CAGE1: variants seen among roughly 807,000 people sequenced by gnomAD.
CAGE1 encodes the protein cancer-associated gene 1 protein.
Under a neutral mutation model 94.9 loss-of-function variants are expected in CAGE1, and 66 were observed. The observed-to-expected ratio is 0.70, with a 90% CI of 0.57 to 0.85. CAGE1 has a LOEUF of 0.85. Among genes scored for constraint, CAGE1 ranks in the 40% least tolerant of loss-of-function variants. The pLI is 0.00. For missense variants in CAGE1, 865 were observed against 950.4 expected (o/e 0.91, Z 1.18); for synonymous variants, 319 against 321.0 (o/e 0.99, Z 0.07).
At chr6:7,326,988 A>AT in intron 13 of CAGE1, 89 bp from the exon 14 acceptor site, 1 of 921,144 alleles carries the variant, frequency 1.1e-6, no homozygotes, top group East Asian at 2.4e-5. Flanking sequence ...TTTTTATTAC[A>AT]TATGGAAAAG....
intron 9 of CAGE1, among the ~76,000 whole-genome samples, chr6:7,361,031 A>G (rs967833571): frequency 6.6e-6 from 1 of 152,214 alleles, no homozygotes; most frequent in African/African-American, 2.4e-5. Flanking sequence ...CAACAGGCAG[A>G]TATGAAGATA....
rs1379580961 is a variant in CAGE1 at position 7,329,225 on chromosome 6, G to A, written c.2478+624C>T. 13 of 402,536 alleles carry A rather than the reference G, an allele frequency of 3.2e-5. 1 individual carries two copies. Among genetic ancestry groups the A allele is most frequent in the South Asian group, 2.9e-4 (3 of 10,314 alleles). 24.9% of individuals were successfully genotyped at this position (402,536 alleles called of 1,614,324 possible). A position where few individuals can be genotyped will look rare whatever the true frequency, so the allele number is the denominator to read the frequency against. Reference sequence around the variant, plus strand: ...TGGGATTACAGGCGTCAGCCACCGCGCCCAGCCTGTATCCTATAAATATGT... The same window carrying A: ...TGGGATTACAGGCGTCAGCCACCGCACCCAGCCTGTATCCTATAAATATGT... On this transcript the variant is annotated intron_variant, in intron 13 of 13. Transcript: ENST00000502583.
rs1646075534 is a variant in CAGE1, at chr6:7,373,177, T to A, written c.1642A>T (p.Lys548Ter). The change falls in exon 5 of 14, where the codon AAA becomes TAA. Residue 548 changes from lysine to a stop codon, truncating the protein, a stop_gained. Coordinates refer to ENST00000502583, the MANE Select transcript of CAGE1 (RefSeq NM_001170692.2). LOFTEE classifies it high-confidence loss of function. ...TCTTCACTCCTTGCAACCTGCTGTT[T>A]AAGTTTTGCATTCTCATTTTTTACT... Reference protein sequence around the residue: ...NEVKNENAKLKQQVARSEEQN... With the variant: ...NEVKNENAKL The A allele has an allele frequency of 6.2e-7, 1 of 1,613,764 alleles. No individual in the cohort carries two copies. Among genetic ancestry groups the A allele is most frequent in the Non-Finnish European group, 8.5e-7 (1 of 1,179,862 alleles).
intron 11 of CAGE1, among the ~76,000 whole-genome samples, chr6:7,349,629 G>C (rs1289063393): frequency 6.6e-6 from 1 of 152,110 alleles, no homozygotes; most frequent in East Asian, 1.9e-4. Flanking sequence ...ATACAGAACT[G>C]CAGAATGGAT....
intron 12 of CAGE1, chr6:7,331,279 T>C (rs772847466): frequency 9.4e-5 from 77 of 815,588 alleles, no homozygotes; most frequent in Non-Finnish European, 1.3e-4. Context: ...TGTCAAGCAG[T>C]GGTTTATCAC....
At chr6:7,360,489 T>C (rs1052339292) in intron 9 of CAGE1, among the ~76,000 whole-genome samples, 1 of 152,190 alleles carries the variant, frequency 6.6e-6, no homozygotes, top group Non-Finnish European at 1.5e-5. Flanking sequence ...AGTGTCAACT[T>C]AGAGGGAAAG....
intron 4 of CAGE1, 86 bp from the exon 5 acceptor site, chr6:7,374,217 T>G: frequency 9.4e-7 from 1 of 1,063,350 alleles, no homozygotes; most frequent in Non-Finnish European, 1.4e-6. Flanking sequence ...TTGAATTCTA[T>G]TAGTAGATCC....
intron 5 of CAGE1, among the ~76,000 whole-genome samples, chr6:7,371,305 T>A (rs1253758447): frequency 2.6e-5 from 4 of 152,204 alleles, no homozygotes; most frequent in Admixed American, 6.5e-5. Flanking sequence ...CTGGCTTAGA[T>A]AATCCTTTTT....
rs1274871439 is a variant in CAGE1 at position 7,389,565 on chromosome 6, C to T, written c.-387G>A. The T allele has an allele frequency of 6.0e-6, 2 of 331,020 alleles. No homozygotes were observed. The highest frequency in any genetic ancestry group is 1.2e-5 in the Non-Finnish European group (2 of 165,254). The allele number at this position is 331,020 out of a possible 1,614,324, so 20.5% of individuals were successfully genotyped here. On this transcript the variant is annotated 5_prime_UTR_variant, in exon 1 of 14. Coordinates refer to ENST00000502583, the MANE Select transcript of CAGE1 (RefSeq NM_001170692.2). Reference sequence around the variant, plus strand: ...GTTAGGAAGGTACGACCCCCTAGGCCGAACAGCCTGTGGGCTAGCTGGCGC... The same window carrying T: ...GTTAGGAAGGTACGACCCCCTAGGCTGAACAGCCTGTGGGCTAGCTGGCGC...
At chr6:7,361,402 G>C (rs974064702) in intron 9 of CAGE1, among the ~76,000 whole-genome samples, 1 of 152,166 alleles carries the variant, frequency 6.6e-6, no homozygotes, top group African/African-American at 2.4e-5. Context: ...TCTTTATTAA[G>C]TGGTAAAATG....
In CAGE1 at chr6:7,378,665, G is replaced by A; in HGVS notation, c.639C>T (p.Ala213=). 1 of 1,610,634 alleles carries A rather than the reference G, an allele frequency of 6.2e-7. No homozygotes were observed. Among genetic ancestry groups the A allele is most frequent in the South Asian group, 1.1e-5 (1 of 90,182 alleles). Reference sequence around the variant, plus strand: ...GGCTAGGGTTGAGGGCAGATTCCTTGGCAATACTTTTAGCCAGTGACTTTT... The same window carrying A: ...GGCTAGGGTTGAGGGCAGATTCCTTAGCAATACTTTTAGCCAGTGACTTTT... The part of the protein sequence containing the change: ...FTEKSLAKSI[A]KESALNPSQP... Residue 213 remains alanine (A), a synonymous_variant, in exon 4 of 14, where the codon GCC becomes GCT. Transcript: ENST00000502583.
At chr6:7,341,205 C>T in intron 11 of CAGE1, 1 of 652,288 alleles carries the variant, frequency 1.5e-6, no homozygotes, top group South Asian at 1.5e-5. Flanking sequence ...GTTGACACAG[C>T]TTGTGCTAGG....
chr6:7,329,987 T>G (rs560374560), intron 12 of CAGE1, 99 bp from the exon 13 acceptor site: 1 of 612,812 alleles, frequency 1.6e-6, no homozygotes, highest in South Asian at 2.0e-5. Flanking sequence ...TATTTTCCCC[T>G]CACTTTCAAG....
chr6:7,336,150 C>T (rs939188148), intron 11 of CAGE1, among the ~76,000 whole-genome samples: 3 of 152,182 alleles, frequency 2.0e-5, no homozygotes, highest in Non-Finnish European at 4.4e-5. Flanking sequence ...AAGCCTGAGT[C>T]TATCATGCTT....
At chr6:7,377,610 G>A (rs377249736) in intron 4 of CAGE1, among the ~76,000 whole-genome samples, 14 of 152,168 alleles carry the variant, frequency 9.2e-5, no homozygotes, top group Non-Finnish European at 1.9e-4. Flanking sequence ...GGTGGCACAC[G>A]CTTATAATCC....
In CAGE1 at chr6:7,362,480, A is replaced by G. The variant is rs544508787; in HGVS notation, c.2193+2988T>C. On this transcript the variant is annotated intron_variant, in intron 9 of 13. Transcript: ENST00000502583. This position sits in a 1 kb window ranked among gnomAD's most constrained non-coding sequence, Gnocchi z 4.1. ...GTTAAACACCCAGGATGCTTGAGCC[A>G]GCAGGAAGGCAAAGCTGAAGTCAAG... is the stretch of plus-strand genomic sequence containing the variant. 6.6e-6 allele frequency among the ~76,000 whole-genome samples: 1 copy of G among 152,326 alleles called. No homozygotes were observed. The highest frequency in any genetic ancestry group is 2.4e-5 in the African/African-American group (1 of 41,576).
At chr6:7,328,746 A>G (rs1345414457) in intron 13 of CAGE1, among the ~76,000 whole-genome samples, 1 of 152,066 alleles carries the variant, frequency 6.6e-6, no homozygotes, top group East Asian at 1.9e-4. Flanking sequence ...AATAGCTAGA[A>G]GAGAGGATTT....
At chr6:7,385,302 GC>G (rs1406966109) in intron 3 of CAGE1, among the ~76,000 whole-genome samples, 7 of 145,388 alleles carry the variant, frequency 4.8e-5, no homozygotes, top group African/African-American at 1.8e-4. Flanking sequence ...ACCGTGCCTG[GC>G]CCCCGCTTTT....
chr6:7,343,798 C>G (rs1759290296), intron 11 of CAGE1, among the ~76,000 whole-genome samples: 1 of 152,084 alleles, frequency 6.6e-6, no homozygotes, highest in Non-Finnish European at 1.5e-5. Flanking sequence ...AAATGGGAAG[C>G]CAGGACAGGA....
Sources: gnomAD v4.1 joint callset for allele counts (sites outside exome capture counted in the v4.1 genomes callset) on GRCh38, gnomAD v4.1.1 for gene constraint, Gnocchi (gnomAD v3.1) non-coding constraint, MANE v1.5 for transcripts, NCBI Gene and HGNC (gene_info 2026-07-23, HGNC 2026-07-21) for gene names.